ITLN1: variants seen among roughly 807,000 people sequenced by gnomAD.
ITLN1 encodes intelectin 1.
Under a neutral mutation model 36.2 loss-of-function variants are expected in ITLN1, and 29 were observed. The observed-to-expected ratio is 0.80, with a 90% CI of 0.60 to 1.09. The LOEUF is 1.09. Ranked by LOEUF, ITLN1 falls within the 50% of genes least tolerant of loss-of-function variation. The pLI is 0.00. For missense variants in ITLN1, 358 were observed against 405.2 expected, an observed-to-expected ratio of 0.88 and a Z score of 1.00; for synonymous variants, 143 against 146.5, an observed-to-expected ratio of 0.98 and a Z score of 0.17.
At chr1:160,883,776 A>T (rs1306399235) in intron 2 of ITLN1, among the ~76,000 whole-genome samples, 2 of 152,152 alleles carry the variant, frequency 1.3e-5, no homozygotes, top group Non-Finnish European at 2.9e-5. Flanking sequence ...CCGCCACAAG[A>T]CCTGTCCTTG....
At chr1:160,876,951 T>A (rs182312422) in intron 7 of ITLN1, 135 bp from the exon 8 acceptor site, 81 of 915,170 alleles carry the variant, frequency 8.9e-5, no homozygotes, top group African/African-American at 7.4e-4. Context: ...ATTCTTCCCA[T>A]AAAAACCTCT....
chr1:160,878,537 C>T (rs1670628107), intron 7 of ITLN1, among the ~76,000 whole-genome samples: 2 of 152,022 alleles, frequency 1.3e-5, no homozygotes, highest in African/African-American at 4.8e-5. Context: ...CAGGCATGCA[C>T]CACCACACTC....
At chr1:160,877,745 G>A (rs933500890) in intron 7 of ITLN1, among the ~76,000 whole-genome samples, 2 of 152,230 alleles carry the variant, frequency 1.3e-5, no homozygotes, top group Admixed American at 6.5e-5. Context: ...AATCCCCAGT[G>A]TTGGGGGTGG....
rs1245194938 is a variant in ITLN1, at chr1:160,879,349, A to G, written c.751T>C (p.Cys251Arg). ...FNNERAANAL[C>R]AGMRVTGCNT... is the part of the protein sequence containing the mutation. ...CATCCGGTGACCCTCATTCCAGCACACAAGGCGTTGGCTGCTCTCTCGTTA... is the reference window on the plus strand; with the variant it reads ...CATCCGGTGACCCTCATTCCAGCACGCAAGGCGTTGGCTGCTCTCTCGTTA... The change falls in exon 7 of 8, where the codon TGT becomes CGT. Residue 251 changes from cysteine to arginine, a missense_variant. Physicochemically the swap from Cys to Arg is radical, Grantham distance 180. Transcript: ENST00000326245. 6.2e-7 allele frequency: 1 copy of G among 1,614,150 alleles called. No homozygotes were observed. Among genetic ancestry groups the G allele is most frequent in the African/African-American group, 1.3e-5 (1 of 75,034 alleles).
chr1:160,881,303 A>G lies in ITLN1; in HGVS notation c.415T>C (p.Tyr139His). 6.3e-7 allele frequency: 1 copy of G among 1,595,768 alleles called. No homozygotes were observed. Among genetic ancestry groups the G allele is most frequent in the Non-Finnish European group, 8.5e-7 (1 of 1,170,644 alleles). The change falls in exon 5 of 8, where the codon TAC (tyrosine) becomes CAC (histidine). Residue 139 changes from tyrosine (Y) to histidine (H), a missense_variant. By Grantham distance (83) the Tyr-to-His change is moderately conservative. Transcript: ENST00000326245. ...ATSDDYKNPG[Y>H]YDIQAKDLGI... ...AGGTCCTTGGCCTGGATGTCGTAGT[A>G]GCCAGGGTTCTGGAAAGCAACAGAC...
chr1:160,883,505 T>C lies in ITLN1; in HGVS notation c.80A>G (p.Lys27Arg), dbSNP rs138282443. The C allele has an allele frequency of 1.9e-6, 3 of 1,612,522 alleles. No homozygotes were observed. The East Asian group carries it at 6.7e-5, about 36-fold the overall frequency. Residue 27 changes from lysine to arginine, a missense_variant, in exon 3 of 8, where the codon AAG becomes AGG. Coordinates refer to ENST00000326245, the MANE Select transcript of ITLN1 (RefSeq NM_017625.3). ...TGGAGACGAAGAACAGGTCCATTCC[T>C]TGAAGTAAGTATTAGCCTCATCTAG... The part of the protein sequence containing the change: ...WSTDEANTYF[K>R]EWTCSSSPSL...
chr1:160,884,422 C>T lies in ITLN1; in HGVS notation c.58+398G>A, dbSNP rs576861563. On this transcript the variant is annotated intron_variant, in intron 2 of 7. Transcript: ENST00000326245. ...TTTCTTTAAAAAAAAAATTTTTAGA[C>T]GTGAAGAAAAATATAAATTTTAAAA... 1.1e-4 allele frequency among the ~76,000 whole-genome samples: 16 copies of T among 152,164 alleles called. No individual in the cohort carries two copies. In the South Asian group the frequency reaches 2.3e-3, roughly 22 times the overall value.
In ITLN1 at chr1:160,883,539, C is replaced by T. The variant is rs753645210; in HGVS notation, c.59-13G>A. The T allele has an allele frequency of 6.4e-7, 1 of 1,560,584 alleles. No individual in the cohort carries two copies. The highest frequency in any genetic ancestry group is 8.8e-7 in the Non-Finnish European group (1 of 1,131,756). The stretch of plus-strand genomic sequence containing the variant: ...GTATTAGCCTCATCTAGGGAATACA[C>T]AGGGTTTATTCTCATTCCCGGTTTG... On this transcript the variant is annotated splice_polypyrimidine_tract_variant and intron_variant, in intron 2 of 7. Transcript: ENST00000326245.
At chr1:160,881,539 T>C (rs1670677942) in intron 4 of ITLN1, 1 of 545,290 alleles carries the variant, frequency 1.8e-6, no homozygotes, top group East Asian at 3.2e-5. Context: ...CTGGGTGTGG[T>C]GGCTCATGCC....
rs376898715 is a variant in ITLN1, at chr1:160,882,144, G to C, written c.218C>G (p.Thr73Ser). 180 of 1,612,384 alleles carry C rather than the reference G, an allele frequency of 1.1e-4. No individual in the cohort carries two copies. The highest frequency in any genetic ancestry group is 3.8e-4 in the Admixed American group (23 of 59,908). The stretch of plus-strand genomic sequence containing the variant: ...CAGGGTCCAGCCGCCACCCCCAGAG[G>C]TCATGTCACAGAAGGTCTGGTAGAT... The part of the protein sequence containing the change: ...GVIYQTFCDM[T>S]SGGGGWTLVA... The change falls in exon 4 of 8, where the codon ACC (threonine) becomes AGC (serine). Residue 73 changes from threonine to serine, a missense_variant. Physicochemically the swap from Thr to Ser is moderately conservative, Grantham distance 58 (BLOSUM62 1). Coordinates refer to ENST00000326245, the MANE Select transcript of ITLN1 (RefSeq NM_017625.3).
intron 3 of ITLN1, among the ~76,000 whole-genome samples, chr1:160,882,679 T>C (rs1670701803): frequency 1.3e-5 from 2 of 152,122 alleles, no homozygotes; most frequent in African/African-American, 4.8e-5. Flanking sequence ...TGCTACAGCA[T>C]GGACAAACCC....
At chr1:160,877,257 CTCTT>C (rs962028618) in intron 7 of ITLN1, among the ~76,000 whole-genome samples, 6 of 151,550 alleles carry the variant, frequency 4.0e-5, no homozygotes, top group African/African-American at 1.5e-4. Context: ...AAAAAAAACT[CTCTT>C]CCTTTAGCTT....
At chr1:160,884,937 C>G in intron 1 of ITLN1, 54 bp from the exon 2 acceptor site, 1 of 1,143,226 alleles carries the variant, frequency 8.7e-7, no homozygotes, top group African/African-American at 1.5e-5. Flanking sequence ...TCTCTACATC[C>G]CTGCCCCACC....
Position 160,881,176 on chromosome 1 carries a change from T to C in ITLN1, c.542A>G (p.His181Arg). The change falls in exon 5 of 8, where the codon CAT becomes CGT. Residue 181 changes from histidine to arginine, a missense_variant. Physicochemically the swap from His to Arg is conservative, Grantham distance 29 (BLOSUM62 0). Transcript: ENST00000326245. ...TDTGFLQTLG[H>R]NLFGIYQKYP... The stretch of plus-strand genomic sequence containing the variant: ...TACCTGGTAGATGCCAAACAGATTA[T>C]GTCCCAGTGTCTGGAGGAAGCCAGT... 6.2e-7 allele frequency: 1 copy of C among 1,612,430 alleles called. No homozygotes were observed. The highest frequency in any genetic ancestry group is 2.2e-5 in the East Asian group (1 of 44,848).
At chr1:160,884,714 A>C in intron 2 of ITLN1, 106 bp downstream of exon 2, 1 of 766,552 alleles carries the variant, frequency 1.3e-6, no homozygotes, top group East Asian at 2.5e-5. Flanking sequence ...TCTACATGCA[A>C]GCCAGCCGCT....
chr1:160,881,281 T>C lies in ITLN1; in HGVS notation c.437A>G (p.Asp146Gly). The C allele has an allele frequency of 6.2e-7, 1 of 1,608,026 alleles. No homozygotes were observed. Among genetic ancestry groups the C allele is most frequent in the Non-Finnish European group, 8.5e-7 (1 of 1,177,000 alleles). The change falls in exon 5 of 8, where the codon GAC becomes GGC. Residue 146 changes from aspartate to glycine, a missense_variant. Asp to Gly is a moderately conservative substitution (Grantham distance 94, BLOSUM62 -1). Transcript: ENST00000326245. ...NPGYYDIQAK[D>G]LGIWHVPNKS... is the part of the protein sequence containing the mutation. ...ATTGGGCACGTGCCAGATGCCCAGG[T>C]CCTTGGCCTGGATGTCGTAGTAGCC... is the stretch of plus-strand genomic sequence containing the variant.
chr1:160,879,196 C>T, intron 7 of ITLN1, 115 bp downstream of exon 7: 1 of 792,266 alleles, frequency 1.3e-6, no homozygotes, highest in Non-Finnish European at 2.2e-6. Context: ...GTCACACTCC[C>T]ACACACGTAC....
chr1:160,880,305 CA>C (rs35460265), intron 6 of ITLN1, among the ~76,000 whole-genome samples: 47 of 145,532 alleles, frequency 3.2e-4, no homozygotes, highest in Non-Finnish European at 2.7e-4. Flanking sequence ...AACTCCATCT[CA>C]AAAAAAAAAA....
intron 2 of ITLN1, among the ~76,000 whole-genome samples, chr1:160,884,015 G>A (rs1029495158): frequency 5.3e-5 from 8 of 152,150 alleles, no homozygotes; most frequent in Non-Finnish European, 1.0e-4. Context: ...AAGGCAAGAC[G>A]GGTTGTCTCA....
Sources: gnomAD v4.1 joint callset for allele counts (sites outside exome capture counted in the v4.1 genomes callset) on GRCh38, gnomAD v4.1.1 for gene constraint, MANE v1.5 for transcripts, NCBI Gene and HGNC (gene_info 2026-07-23, HGNC 2026-07-21) for gene names.